ACOXL: variants seen among roughly 807,000 people sequenced by gnomAD.
The protein encoded by ACOXL is acyl-coenzyme A oxidase-like protein.
ACOXL carries 70 observed loss-of-function variants against 71.9 expected under a neutral mutation model. The observed-to-expected ratio is 0.97, with a 90% CI of 0.80 to 1.19. The LOEUF is 1.19. Ranked by LOEUF, ACOXL falls within the 50% of genes most tolerant of loss-of-function variation. The pLI, the probability that ACOXL is intolerant of heterozygous loss-of-function variation, is 0.00. For missense variants in ACOXL, 703 were observed against 736.3 expected (o/e 0.95, Z 0.52); for synonymous variants, 253 against 281.6 (o/e 0.90, Z 1.02).
chr2:111,059,595 A>T (rs1023580261), intron 16 of ACOXL, among the ~76,000 whole-genome samples: 1 of 152,174 alleles, frequency 6.6e-6, no homozygotes, highest in African/African-American at 2.4e-5. Context: ...CATTACGTTT[A>T]AAACAAACAT....
At chr2:111,046,425 A>G (rs183646523) in intron 15 of ACOXL, among the ~76,000 whole-genome samples, 70 of 152,306 alleles carry the variant, frequency 4.6e-4, no homozygotes, top group South Asian at 1.7e-3. Context: ...TAATAAAGAC[A>G]TACCCAAGAC....
Position 110,902,555 on chromosome 2 carries a change from C to T in ACOXL, c.789-6234C>T, listed in dbSNP as rs1315065115. 2.0e-5 allele frequency among the ~76,000 whole-genome samples: 3 copies of T among 152,198 alleles called. No individual in the cohort carries two copies. In the East Asian group the frequency reaches 5.8e-4, roughly 29 times the overall value. On this transcript the variant is annotated intron_variant, in intron 10 of 17. Coordinates refer to ENST00000439055, the MANE Select transcript of ACOXL (RefSeq NM_001142807.4). ...GTGCAGCGAGGTCCCTTCCATGATC[C>T]CAAGGTGGAGGGTGGGATCACCTGG...
rs1435481006 is a variant in ACOXL at position 111,041,810 on chromosome 2, TG to T, written c.1370-7407del. 2.0e-5 allele frequency among the ~76,000 whole-genome samples: 3 copies of T among 152,320 alleles called. No homozygotes were observed. In the East Asian group the frequency reaches 5.8e-4, roughly 29 times the overall value. On this transcript the variant is annotated intron_variant, in intron 15 of 17. Transcript: ENST00000439055. ...TCTCTTCCTGAGTGAATGGTGCATT[TG>T]CCCCAAGCTGAAAGGGCTCTGCCAT...
chr2:111,089,415 A>T (rs966357253), intron 16 of ACOXL, among the ~76,000 whole-genome samples: 1 of 152,368 alleles, frequency 6.6e-6, no homozygotes, highest in South Asian at 2.1e-4. Flanking sequence ...TCCATTAAAT[A>T]AGTTTCCAGA....
intron 10 of ACOXL, among the ~76,000 whole-genome samples, chr2:110,854,541 C>T (rs879689853): frequency 1.3e-5 from 2 of 152,176 alleles, no homozygotes; most frequent in African/African-American, 4.8e-5. Flanking sequence ...TCTCCACCAG[C>T]AGGGGGATAA....
At chr2:110,767,785 CTT>C (rs1169941337) in intron 1 of ACOXL, among the ~76,000 whole-genome samples, 1 of 152,182 alleles carries the variant, frequency 6.6e-6, no homozygotes, top group Non-Finnish European at 1.5e-5. Context: ...GTGTTGCAGT[CTT>C]GTTTTAAGAT....
chr2:111,070,573 T>G (rs1389789183), intron 16 of ACOXL, among the ~76,000 whole-genome samples: 1 of 152,040 alleles, frequency 6.6e-6, no homozygotes, highest in Non-Finnish European at 1.5e-5. Context: ...GATGAAATAA[T>G]CTTTACAACA....
Position 111,092,911 on chromosome 2 carries a change from G to A in ACOXL, c.1487G>A (p.Trp496Ter), listed in dbSNP as rs767616609. Residue 496 changes from tryptophan to a stop codon, truncating the protein, a stop_gained, in exon 17 of 18, where the codon TGG becomes TAG. Coordinates refer to ENST00000439055, the MANE Select transcript of ACOXL (RefSeq NM_001142807.4). LOFTEE classifies it high-confidence loss of function. Reference sequence around the variant, plus strand: ...AAGCTGGTGTTTCAGGAGCGGGCCTGGTATTTAGAACATAAATACTTGACT... The same window carrying A: ...AAGCTGGTGTTTCAGGAGCGGGCCTAGTATTTAGAACATAAATACTTGACT... The part of the protein sequence containing the change: ...GTKLVFQERA[W>*]YLEHKYLTPM... The A allele has an allele frequency of 5.6e-6, 9 of 1,613,936 alleles. 1 individual carries two copies. The highest frequency in any genetic ancestry group is 5.5e-5 in the South Asian group (5 of 91,064).
chr2:110,876,777 ATGTT>A (rs548945921), intron 10 of ACOXL, among the ~76,000 whole-genome samples: 329 of 152,260 alleles, frequency 2.2e-3, no homozygotes, highest in African/African-American at 7.5e-3. Context: ...TCTTTCAGCA[ATGTT>A]TGTTTGAGCG....
chr2:110,781,512 C>T (rs536007281), intron 2 of ACOXL, among the ~76,000 whole-genome samples: 21 of 151,940 alleles, frequency 1.4e-4, no homozygotes, highest in South Asian at 1.2e-3. Flanking sequence ...CATGGTGGCG[C>T]GCACCTGTAA....
chr2:110,893,869 CATAG>C (rs2058893572), intron 10 of ACOXL, among the ~76,000 whole-genome samples: 1 of 151,990 alleles, frequency 6.6e-6, no homozygotes. Context: ...TCTTATTCCT[CATAG>C]ATTATTATTA....
chr2:110,899,855 T>C (rs2149193970), intron 10 of ACOXL, among the ~76,000 whole-genome samples: 1 of 152,276 alleles, frequency 6.6e-6, no homozygotes, highest in East Asian at 1.9e-4. Context: ...GTGAGAACTG[T>C]CTGAAAAACA....
At chr2:110,875,250 T>C (rs1424802393) in intron 10 of ACOXL, among the ~76,000 whole-genome samples, 1 of 152,230 alleles carries the variant, frequency 6.6e-6, no homozygotes, top group Non-Finnish European at 1.5e-5. Flanking sequence ...CCTTTGAGAA[T>C]ATTTTTCTTG....
chr2:111,044,071 T>C (rs1463311427), intron 15 of ACOXL, among the ~76,000 whole-genome samples: 1 of 152,204 alleles, frequency 6.6e-6, no homozygotes, highest in African/African-American at 2.4e-5. Flanking sequence ...CTGACAAATG[T>C]AGCTTTGTTC....
At chr2:111,044,477 C>T (rs376550467) in intron 15 of ACOXL, among the ~76,000 whole-genome samples, 31 of 152,198 alleles carry the variant, frequency 2.0e-4, no homozygotes, top group African/African-American at 6.3e-4. Context: ...CCCCTATTAT[C>T]GAGGGCCCTG....
chr2:110,820,210 G>A (rs1053112611), intron 9 of ACOXL, among the ~76,000 whole-genome samples: 7 of 152,156 alleles, frequency 4.6e-5, no homozygotes, highest in Non-Finnish European at 7.3e-5. Context: ...TTTGAGTGCT[G>A]TGGGGTTGAG....
intron 15 of ACOXL, among the ~76,000 whole-genome samples, chr2:111,036,154 C>T (rs2065500650): frequency 6.6e-6 from 1 of 152,184 alleles, no homozygotes; most frequent in East Asian, 1.9e-4. Flanking sequence ...TGGGTTTCTG[C>T]AGTGTTTTTC....
chr2:110,784,688 A>G, intron 2 of ACOXL, 44 bp from the exon 3 acceptor site: 1 of 1,452,000 alleles, frequency 6.9e-7, no homozygotes, highest in East Asian at 2.6e-5. Context: ...AACAAGTCAG[A>G]AAACCATAAG....
At chr2:110,959,283 T>C (rs1414834302) in intron 12 of ACOXL, among the ~76,000 whole-genome samples, 1 of 152,134 alleles carries the variant, frequency 6.6e-6, no homozygotes. Context: ...GGCTGTCGGC[T>C]CTTGGCCCAG....
Sources: gnomAD v4.1 joint callset for allele counts (sites outside exome capture counted in the v4.1 genomes callset) on GRCh38, gnomAD v4.1.1 for gene constraint, MANE v1.5 for transcripts, NCBI Gene and HGNC (gene_info 2026-07-23, HGNC 2026-07-21) for gene names.